Variants in TRDN observed in about 807,000 individuals in gnomAD.
The protein encoded by TRDN is triadin in skeletal muscle.
In TRDN, 161 loss-of-function variants were observed where a neutral mutation model predicts 149.7. That is an observed-to-expected ratio of 1.08 (90% CI 0.95 to 1.23). The LOEUF is 1.23. Ranked by LOEUF, TRDN falls within the 50% of genes most tolerant of loss-of-function variation. The probability of loss-of-function intolerance (pLI) is 0.00; values close to 1 mark genes in which losing one functional copy is unlikely to be tolerated. For missense variants in TRDN, 896 were observed against 823.5 expected, an observed-to-expected ratio of 1.09 and a Z score of -1.08; for synonymous variants, 294 against 250.5, an observed-to-expected ratio of 1.17 and a Z score of -1.64.
chr6:123,341,284 C>T (rs139159486), intron 21 of TRDN, among the ~76,000 whole-genome samples: 4 of 151,784 alleles, frequency 2.6e-5, no homozygotes, highest in Non-Finnish European at 5.9e-5. Flanking sequence ...ATAACTTGGT[C>T]AGGACACTGT....
chr6:123,528,425 C>G (rs1410196828), intron 5 of TRDN, among the ~76,000 whole-genome samples: 1 of 151,848 alleles, frequency 6.6e-6, no homozygotes, highest in Non-Finnish European at 1.5e-5. Context: ...GATCTAGCTT[C>G]CACCATAACG....
chr6:123,461,450 A>G (rs537134218), intron 10 of TRDN, among the ~76,000 whole-genome samples: 1 of 152,366 alleles, frequency 6.6e-6, no homozygotes, highest in African/African-American at 2.4e-5. Flanking sequence ...AAATATTAAA[A>G]GTAATTTAAG....
intron 2 of TRDN, among the ~76,000 whole-genome samples, chr6:123,559,447 T>C (rs1562388501): frequency 6.6e-6 from 1 of 152,110 alleles, no homozygotes. Flanking sequence ...TACAGCTACA[T>C]CTCATTGCTG....
chr6:123,388,240 T>C (rs796308198), intron 14 of TRDN, among the ~76,000 whole-genome samples: 20 of 152,308 alleles, frequency 1.3e-4, no homozygotes, highest in African/African-American at 4.8e-4. Flanking sequence ...TACATAGTTC[T>C]GAAATTTGAT....
intron 24 of TRDN, among the ~76,000 whole-genome samples, chr6:123,288,971 A>T (rs1777897114): frequency 6.6e-6 from 1 of 151,360 alleles, no homozygotes; most frequent in Non-Finnish European, 1.5e-5. Context: ...AGTAGGCAAG[A>T]TACTAAGTGT....
intron 38 of TRDN, among the ~76,000 whole-genome samples, chr6:123,251,162 A>G (rs1193551989): frequency 1.3e-5 from 2 of 152,056 alleles, no homozygotes; most frequent in East Asian, 3.9e-4. Context: ...TGTCCTTACA[A>G]TATCTTTCCT....
At chr6:123,266,909 C>A (rs1351397872) in intron 32 of TRDN, among the ~76,000 whole-genome samples, 4 of 144,720 alleles carry the variant, frequency 2.8e-5, no homozygotes, top group African/African-American at 1.0e-4. Flanking sequence ...GAGATCGAGA[C>A]CATCCTGGCT....
In TRDN at chr6:123,530,558, G is replaced by T; in HGVS notation, c.432C>A (p.His144Gln). 2 of 1,247,072 alleles carry T rather than the reference G, an allele frequency of 1.6e-6. No individual in the cohort carries two copies. Among genetic ancestry groups the T allele is most frequent in the East Asian group, 3.0e-5 (1 of 32,804 alleles). The allele number at this position is 1,247,072 out of a possible 1,614,324, so 77.3% of individuals were successfully genotyped here. A position where few individuals can be genotyped will look rare whatever the true frequency, so the allele number is the denominator to read the frequency against. Residue 144 changes from histidine (H) to glutamine (Q), a missense_variant, in exon 5 of 41, where the codon CAC (histidine) becomes CAA (glutamine). Transcript: ENST00000334268. ...TCTCTTGTTTTTCAGTCTTATCTTT[G>T]TGTATTTCTAAGAAAAAATAGAATT... Reference protein sequence around the residue: ...DEPPLRKKEIHKDKTEKQEKP... With the variant: ...DEPPLRKKEIQKDKTEKQEKP...
Position 123,266,215 on chromosome 6 carries a change from TATA to T in TRDN, c.1784-880_1784-878del, listed in dbSNP as rs1232325639. Among the ~76,000 whole-genome samples, 9 of 30,138 alleles carry T rather than the reference TATA, an allele frequency of 3.0e-4. 1 individual carries two copies. Among genetic ancestry groups the T allele is most frequent in the Non-Finnish European group, 4.6e-4 (8 of 17,556 alleles). The allele number at this position is 30,138 out of a possible 152,430, so 19.8% of individuals were successfully genotyped here. On this transcript the variant is annotated intron_variant, in intron 32 of 40. Coordinates refer to ENST00000334268, the MANE Select transcript of TRDN (RefSeq NM_006073.4). The stretch of plus-strand genomic sequence containing the variant: ...AATATGTATTATATATTATATATAT[TATA>T]ATATGTATTATATATTATATATATT...
chr6:123,326,857 ATC>A (rs1234594910), intron 23 of TRDN, among the ~76,000 whole-genome samples: 1 of 152,120 alleles, frequency 6.6e-6, no homozygotes, highest in Admixed American at 6.6e-5. Context: ...TAAAAATAAA[ATC>A]TGCAGATTTT....
At chr6:123,324,223 T>C (rs912046188) in intron 23 of TRDN, among the ~76,000 whole-genome samples, 3 of 152,160 alleles carry the variant, frequency 2.0e-5, no homozygotes, top group African/African-American at 7.2e-5. Flanking sequence ...ATTAAGTAGA[T>C]AAAATGTCAT....
rs80245948 is a variant in TRDN at position 123,605,614 on chromosome 6, T to A, written c.22+31140A>T. Among the ~76,000 whole-genome samples, 1,699 of 126,928 alleles carry A rather than the reference T, an allele frequency of 0.013. 69 individuals are homozygous for A. The East Asian group carries it at 0.17, about 13-fold the overall frequency. The allele number at this position is 126,928 out of a possible 152,430, so 83.3% of individuals were successfully genotyped here. A position where few individuals can be genotyped will look rare whatever the true frequency, so the allele number is the denominator to read the frequency against. On this transcript the variant is annotated intron_variant, in intron 1 of 40. Transcript: ENST00000334268. ...CCTCTCTACAAAAAAAAAAAAAAAA[T>A]ATTAGCCAAGTGTGGTTGTATAGAC... is the stretch of plus-strand genomic sequence containing the variant.
chr6:123,402,043 TC>T (rs1413810145), intron 12 of TRDN, among the ~76,000 whole-genome samples: 4 of 152,082 alleles, frequency 2.6e-5, no homozygotes, highest in African/African-American at 9.6e-5. Context: ...CAATGTATCC[TC>T]CTGGAATTAT....
intron 1 of TRDN, among the ~76,000 whole-genome samples, chr6:123,584,993 GA>G (rs1554260372): frequency 2.0e-5 from 3 of 152,008 alleles, no homozygotes; most frequent in Non-Finnish European, 2.9e-5. Context: ...GCAGGCAAGT[GA>G]TAACAGGCTT....
intron 8 of TRDN, chr6:123,502,602 C>T: frequency 1.0e-6 from 1 of 984,744 alleles, no homozygotes; most frequent in Non-Finnish European, 1.2e-6. Context: ...GATGAAAATA[C>T]AGTACGAGTG....
chr6:123,424,063 C>T (rs1423276259), intron 12 of TRDN, among the ~76,000 whole-genome samples: 3 of 152,012 alleles, frequency 2.0e-5, no homozygotes, highest in Non-Finnish European at 4.4e-5. Context: ...AGAGAAATGC[C>T]AGAGGAAAAT....
At chr6:123,256,772 T>C (rs1242503979) in intron 35 of TRDN, among the ~76,000 whole-genome samples, 7 of 152,064 alleles carry the variant, frequency 4.6e-5, no homozygotes, top group Admixed American at 2.6e-4. Context: ...GTAGGTTGCC[T>C]GTTCACTCTG....
At chr6:123,326,188 G>T (rs889275385) in intron 23 of TRDN, among the ~76,000 whole-genome samples, 1 of 151,960 alleles carries the variant, frequency 6.6e-6, no homozygotes, top group Non-Finnish European at 1.5e-5. Context: ...CCCATGCATG[G>T]CATGCCAACA....
At position 123,216,578 on chromosome 6, in the gene TRDN, C is replaced by A. The variant is rs1181827217; in HGVS notation, c.*2023G>T. On this transcript the variant is annotated 3_prime_UTR_variant, in exon 41 of 41. Coordinates refer to ENST00000334268, the MANE Select transcript of TRDN (RefSeq NM_006073.4). ...AACAGTAAAATAGTCAGAGGAAAAA[C>A]TAGTGCCATACCCAAAAGTATTACT... 3 of 151,710 alleles carry A rather than the reference C, an allele frequency of 2.0e-5. No homozygotes were observed. The highest frequency in any genetic ancestry group is 4.4e-5 in the Non-Finnish European group (3 of 67,874). The allele number at this position is 151,710 out of a possible 1,614,324, so 9.4% of individuals were successfully genotyped here.
Sources: allele counts gnomAD v4.1 joint callset (sites outside exome capture counted in the v4.1 genomes callset), GRCh38; gene constraint gnomAD v4.1.1; transcripts MANE v1.5; gene names NCBI Gene and HGNC (gene_info 2026-07-23, HGNC 2026-07-21).